The following CD160 variants were observed in gnomAD, a reference collection of about 807,000 sequenced individuals.
CD160 encodes CD160 antigen.
Under a neutral mutation model 19.2 loss-of-function variants are expected in CD160, and 11 were observed. That is an observed-to-expected ratio of 0.57 (90% CI 0.36 to 0.95). CD160 has a LOEUF of 0.95. Ranked by LOEUF, CD160 falls within the 40% of genes least tolerant of loss-of-function variation. The pLI is 0.01. For synonymous variants in CD160, 75 were observed against 81.1 expected (o/e 0.93, Z 0.40); for missense variants, 182 against 213.2 (o/e 0.85, Z 0.91).
chr1:145,721,650 G>T (rs938258719), intron 1 of CD160, among the ~76,000 whole-genome samples: 17 of 152,022 alleles, frequency 1.1e-4, no homozygotes, highest in Non-Finnish European at 1.8e-4. Flanking sequence ...TAGGAAACAC[G>T]CCTAGAGAAG....
At chr1:145,735,933 T>A in intron 4 of CD160, 64 bp from the exon 5 acceptor site, 1 of 1,131,874 alleles carries the variant, frequency 8.8e-7, no homozygotes. Flanking sequence ...TATGAGATGA[T>A]GCAAAAGGAG....
chr1:145,731,467 T>TAA (rs1657290558), intron 4 of CD160, among the ~76,000 whole-genome samples: 1 of 152,036 alleles, frequency 6.6e-6, no homozygotes, highest in Non-Finnish European at 1.5e-5. Context: ...GGTCAGGAGT[T>TAA]AAAGATCAGC....
chr1:145,730,156 C>G (rs1176428530), intron 3 of CD160, among the ~76,000 whole-genome samples: 1 of 152,040 alleles, frequency 6.6e-6, no homozygotes, highest in Non-Finnish European at 1.5e-5. Flanking sequence ...GAATCTGTCT[C>G]TACAAAATAA....
chr1:145,725,847 T>C (rs1657032564), intron 2 of CD160, among the ~76,000 whole-genome samples: 1 of 151,964 alleles, frequency 6.6e-6, no homozygotes, highest in Non-Finnish European at 1.5e-5. Flanking sequence ...AAATCAGAGA[T>C]ATAAAATAGA....
chr1:145,735,954 T>C (rs1553710058), intron 4 of CD160, 43 bp from the exon 5 acceptor site: 1 of 1,424,452 alleles, frequency 7.0e-7, no homozygotes, highest in Non-Finnish European at 9.8e-7. Flanking sequence ...ATACTGATGA[T>C]TTCTGAAACC....
At chr1:145,727,972 G>GA (rs1208540360) in intron 2 of CD160, among the ~76,000 whole-genome samples, 4 of 151,938 alleles carry the variant, frequency 2.6e-5, no homozygotes, top group Non-Finnish European at 5.9e-5. Flanking sequence ...GATTATAGTA[G>GA]AAAAAAAGTT....
intron 2 of CD160, among the ~76,000 whole-genome samples, chr1:145,727,761 C>T (rs1553708579): frequency 6.6e-6 from 1 of 152,052 alleles, no homozygotes; most frequent in Non-Finnish European, 1.5e-5. Flanking sequence ...ATACTAATGA[C>T]CAATAAGCAT....
At chr1:145,733,938 C>G (rs587643906) in intron 4 of CD160, among the ~76,000 whole-genome samples, 1 of 152,148 alleles carries the variant, frequency 6.6e-6, no homozygotes, top group African/African-American at 2.4e-5. Flanking sequence ...AACGTTTAAA[C>G]TAAAAACTGT....
chr1:145,738,268 C>A, intron 5 of CD160: 1 of 358,928 alleles, frequency 2.8e-6, no homozygotes, highest in Non-Finnish European at 5.0e-6. Flanking sequence ...GGCTAGCCCC[C>A]TTCCCACTCC....
At chr1:145,732,042 T>C (rs1344122890) in intron 4 of CD160, among the ~76,000 whole-genome samples, 1 of 152,182 alleles carries the variant, frequency 6.6e-6, no homozygotes, top group Non-Finnish European at 1.5e-5. Flanking sequence ...ATTACTACTT[T>C]GGCATATCCT....
At chr1:145,732,245 C>T (rs1657325295) in intron 4 of CD160, among the ~76,000 whole-genome samples, 1 of 152,100 alleles carries the variant, frequency 6.6e-6, no homozygotes, top group African/African-American at 2.4e-5. Flanking sequence ...AGAAAAAAGA[C>T]ACTATCATGA....
chr1:145,733,907 ACCTTT>A lies in CD160; in HGVS notation c.401-2086_401-2082del, dbSNP rs587749101. Among the ~76,000 whole-genome samples, 333 of 152,190 alleles carry A rather than the reference ACCTTT, an allele frequency of 2.2e-3. 1 individual carries two copies. The highest frequency in any genetic ancestry group is 7.7e-3 in the African/African-American group (318 of 41,492). On this transcript the variant is annotated intron_variant, in intron 4 of 5. Coordinates refer to ENST00000369288, the MANE Select transcript of CD160 (RefSeq NM_007053.4). ...GCAAATCAACTTCTCCAGCTTGAAC[ACCTTT>A]CCTAAGTTTTAATTAAACGTTTAAA...
chr1:145,722,280 C>A (rs1571670374), intron 1 of CD160, among the ~76,000 whole-genome samples: 1 of 152,174 alleles, frequency 6.6e-6, no homozygotes, highest in Non-Finnish European at 1.5e-5. Flanking sequence ...TTGACCCTCA[C>A]AACCCAAGGA....
At chr1:145,720,786 CAAG>C (rs1553707699) in intron 1 of CD160, among the ~76,000 whole-genome samples, 2 of 152,140 alleles carry the variant, frequency 1.3e-5, no homozygotes, top group African/African-American at 4.8e-5. Context: ...GTTTTAAACA[CAAG>C]AGGAATGTGA....
rs1428583358 is a variant in CD160, at chr1:145,731,678, TA to T, written c.400+614del. On this transcript the variant is annotated intron_variant, in intron 4 of 5. Coordinates refer to ENST00000369288, the MANE Select transcript of CD160 (RefSeq NM_007053.4). ...AGAGCGAAACTGTGTCTCAAAAAAA[TA>T]AAAAACAAGAAAAGAAAAGAAAGAA... is the stretch of plus-strand genomic sequence containing the variant. Among the ~76,000 whole-genome samples the T allele has an allele frequency of 2.0e-5, 3 of 151,802 alleles. No individual in the cohort carries two copies. The East Asian group carries it at 5.8e-4, about 29-fold the overall frequency.
At chr1:145,730,448 G>A (rs1284303) in intron 3 of CD160, among the ~76,000 whole-genome samples, 83,826 of 152,082 alleles carry the variant, frequency 0.55, 24,545 homozygotes, top group African/African-American at 0.74. Context: ...ATACCTAAAC[G>A]TATTTGTTAA....
chr1:145,736,314 AAGG>A (rs1657493368), intron 5 of CD160, 180 bp downstream of exon 5: 1 of 1,534,070 alleles, frequency 6.5e-7, no homozygotes, highest in Non-Finnish European at 8.8e-7. Flanking sequence ...CAAAGGCACT[AAGG>A]AGGAAGACAG....
At chr1:145,729,131 T>C (rs974694846) in intron 3 of CD160, among the ~76,000 whole-genome samples, 4 of 152,086 alleles carry the variant, frequency 2.6e-5, no homozygotes, top group East Asian at 1.9e-4. Context: ...AGCTGGAAAG[T>C]AGAAATAAAA....
At position 145,736,083 on chromosome 1, in the gene CD160, CT is replaced by C; in HGVS notation, c.488del (p.Leu163HisfsTer7). On this transcript the variant is annotated frameshift_variant, in exon 5 of 6. Transcript: ENST00000369288. LOFTEE classifies it high-confidence loss of function. Reference protein sequence around the residue: ...HNEGTLSSGFLQEKVWVMLVT... With the variant: ...HNEGTLSSGFXQEKVWVMLVT... ...TGAAGGCACTCTCAGTTCAGGCTTCCTACAAGAAAAGGTCTGGGTAATGCTG... is the reference window on the plus strand; with the variant it reads ...TGAAGGCACTCTCAGTTCAGGCTTCCACAAGAAAAGGTCTGGGTAATGCTG... The C allele has an allele frequency of 6.2e-7, 1 of 1,614,124 alleles. No homozygotes were observed.
Sources: gnomAD v4.1 joint callset for allele counts (sites outside exome capture counted in the v4.1 genomes callset) on GRCh38, gnomAD v4.1.1 for gene constraint, MANE v1.5 for transcripts, NCBI Gene and HGNC (gene_info 2026-07-23, HGNC 2026-07-21) for gene names.